Variants in STK10 observed in about 807,000 individuals in gnomAD.
STK10 encodes serine/threonine-protein kinase 10.
In STK10, 78 loss-of-function variants were observed where a neutral mutation model predicts 113.8. The observed-to-expected ratio is 0.69, with a 90% CI of 0.57 to 0.83. The LOEUF (loss-of-function observed/expected upper bound fraction) is 0.83, where lower values mean the gene tolerates loss of function less well. Among genes scored for constraint, STK10 ranks in the 40% least tolerant of loss-of-function variants. The pLI is 0.00. For synonymous variants in STK10, 465 were observed against 494.7 expected, an observed-to-expected ratio of 0.94 and a Z score of 0.80; for missense variants, 1,109 against 1,280.1, an observed-to-expected ratio of 0.87 and a Z score of 2.04.
intron 1 of STK10, among the ~76,000 whole-genome samples, chr5:172,158,845 T>C (rs1001378333): frequency 2.0e-5 from 3 of 152,008 alleles, no homozygotes; most frequent in African/African-American, 7.3e-5. Context: ...GCTGAAATCA[T>C]AGAAGTGGAA....
chr5:172,080,842 G>C (rs780038940), intron 12 of STK10, among the ~76,000 whole-genome samples: 8 of 152,276 alleles, frequency 5.3e-5, no homozygotes, highest in Non-Finnish European at 1.2e-4. Flanking sequence ...GATCATTGAT[G>C]AAAGTGGCTG....
chr5:172,102,640 G>C (rs1284598351), intron 7 of STK10, among the ~76,000 whole-genome samples: 2 of 152,168 alleles, frequency 1.3e-5, no homozygotes, highest in African/African-American at 4.8e-5. Context: ...AGGAGGAGGA[G>C]ATCGACTGGG....
At chr5:172,184,674 C>A (rs1197956712) in intron 1 of STK10, among the ~76,000 whole-genome samples, 3 of 152,106 alleles carry the variant, frequency 2.0e-5, no homozygotes, top group Non-Finnish European at 4.4e-5. Context: ...GTTTTTGAGA[C>A]AGAGTCTCCC....
At chr5:172,183,698 C>A (rs1327031180) in intron 1 of STK10, among the ~76,000 whole-genome samples, 1 of 152,090 alleles carries the variant, frequency 6.6e-6, no homozygotes, top group Non-Finnish European at 1.5e-5. Flanking sequence ...GTCAAGTGAT[C>A]CACCAGCCTC....
At chr5:172,087,611 ATTTACTTATTTATTTTTTTTTTT>A (rs773418428) in intron 10 of STK10, among the ~76,000 whole-genome samples, 476 of 131,688 alleles carry the variant, frequency 3.6e-3, no homozygotes, top group Middle Eastern at 7.9e-3. Flanking sequence ...TTTTAAATTT[ATTTACTTATTTATTTTTTTTTTT>A]TTTTTGAGAC....
At chr5:172,155,994 CAA>C (rs769699877) in intron 2 of STK10, among the ~76,000 whole-genome samples, 12 of 130,444 alleles carry the variant, frequency 9.2e-5, no homozygotes, top group Non-Finnish European at 8.3e-5. Flanking sequence ...GGCTCCATCT[CAA>C]AAAAAAAAAA....
At chr5:172,184,674 CAG>C (rs1356278498) in intron 1 of STK10, among the ~76,000 whole-genome samples, 1 of 152,106 alleles carries the variant, frequency 6.6e-6, no homozygotes, top group Non-Finnish European at 1.5e-5. Flanking sequence ...GTTTTTGAGA[CAG>C]AGTCTCCCTC....
intron 10 of STK10, among the ~76,000 whole-genome samples, chr5:172,084,537 T>TAC: frequency 6.6e-6 from 1 of 152,144 alleles, no homozygotes; most frequent in East Asian, 1.9e-4. Context: ...AATGTCTCTG[T>TAC]ACACACATAT....
chr5:172,110,098 C>A (rs534781643), intron 4 of STK10, among the ~76,000 whole-genome samples: 1 of 152,224 alleles, frequency 6.6e-6, no homozygotes, highest in African/African-American at 2.4e-5. Flanking sequence ...CCATCAGGAG[C>A]GAGACACTAG....
At chr5:172,146,877 G>A (rs1478935745) in intron 2 of STK10, among the ~76,000 whole-genome samples, 4 of 152,240 alleles carry the variant, frequency 2.6e-5, no homozygotes. Flanking sequence ...GACACCAGCT[G>A]TGTGTATTCC....
intron 2 of STK10, among the ~76,000 whole-genome samples, chr5:172,146,236 T>C (rs1298255588): frequency 6.6e-6 from 1 of 152,118 alleles, no homozygotes; most frequent in Non-Finnish European, 1.5e-5. Context: ...GAAGCATGTG[T>C]TGGTGAGTGA....
At chr5:172,074,289 C>T (rs908045976) in intron 12 of STK10, among the ~76,000 whole-genome samples, 7 of 152,132 alleles carry the variant, frequency 4.6e-5, no homozygotes, top group South Asian at 2.1e-4. Context: ...CCTGATTTCA[C>T]GGCTTTTATA....
At chr5:172,092,761 A>G (rs1768747220) in intron 9 of STK10, 1 of 152,236 alleles carries the variant, frequency 6.6e-6, no homozygotes, top group Non-Finnish European at 1.5e-5. Context: ...CGGGGAGGCC[A>G]GGAAAGGAGT....
At chr5:172,095,625 C>T (rs929876582) in intron 8 of STK10, among the ~76,000 whole-genome samples, 27 of 152,248 alleles carry the variant, frequency 1.8e-4, no homozygotes, top group Admixed American at 1.5e-3. Context: ...CCCTGCCCTT[C>T]GGGCTTTCCT....
chr5:172,120,068 G>C lies in STK10; in HGVS notation c.371-2438C>G, dbSNP rs1171536734. Among the ~76,000 whole-genome samples, 1 of 151,942 alleles carries C rather than the reference G, an allele frequency of 6.6e-6. No individual in the cohort carries two copies. The highest frequency in any genetic ancestry group is 1.9e-4 in the East Asian group (1 of 5,166). The stretch of plus-strand genomic sequence containing the variant: ...GTGGAGGCGGTGGGAGGAGGGGAGT[G>C]AGAAGATTCCAAGGTGACAGCCTTG... On this transcript the variant is annotated intron_variant, in intron 3 of 18. Coordinates refer to ENST00000176763, the MANE Select transcript of STK10 (RefSeq NM_005990.4). The surrounding 1 kb of genome is among the most constrained non-coding windows in gnomAD (Gnocchi z 4.0).
chr5:172,112,851 A>AT (rs991778393), intron 4 of STK10, among the ~76,000 whole-genome samples: 28 of 151,750 alleles, frequency 1.8e-4, no homozygotes, highest in African/African-American at 6.8e-4. Context: ...GGTTCAAGCA[A>AT]TTCTCCTGCC....
intron 14 of STK10, among the ~76,000 whole-genome samples, chr5:172,057,924 G>A (rs1377152241): frequency 6.6e-6 from 1 of 152,204 alleles, no homozygotes; most frequent in African/African-American, 2.4e-5. Context: ...CCTGGGAAGA[G>A]CTCAGATGGA....
At chr5:172,146,372 G>A (rs768866241) in intron 2 of STK10, among the ~76,000 whole-genome samples, 1 of 152,160 alleles carries the variant, frequency 6.6e-6, no homozygotes, top group African/African-American at 2.4e-5. Context: ...CAGAGGCCAC[G>A]ATAGCTGCAA....
At chr5:172,125,421 G>A (rs1003260004) in intron 3 of STK10, among the ~76,000 whole-genome samples, 12 of 149,606 alleles carry the variant, frequency 8.0e-5, no homozygotes, top group African/African-American at 3.0e-4. Flanking sequence ...GTCTCACTCT[G>A]TCGCCCAGGC....
Sources: allele counts gnomAD v4.1 joint callset (sites outside exome capture counted in the v4.1 genomes callset), GRCh38; gene constraint gnomAD v4.1.1; non-coding constraint Gnocchi (gnomAD v3.1); transcripts MANE v1.5; gene names NCBI Gene and HGNC (gene_info 2026-07-23, HGNC 2026-07-21).